Variants in PGAP2 observed in about 807,000 individuals in gnomAD.
The protein encoded by PGAP2 is acyltransferase PGAP2.
Under a neutral mutation model 33.2 loss-of-function variants are expected in PGAP2, and 21 were observed. That is an observed-to-expected ratio of 0.63 (90% confidence interval 0.45 to 0.91). The LOEUF is 0.91. PGAP2 is among the 40% of genes least tolerant of loss of function. The probability of loss-of-function intolerance (pLI) is 0.00; values close to 1 mark genes in which losing one functional copy is unlikely to be tolerated. For synonymous variants in PGAP2, 161 were observed against 172.9 expected, an observed-to-expected ratio of 0.93 and a Z score of 0.54; for missense variants, 345 against 424.0, an observed-to-expected ratio of 0.81 and a Z score of 1.64.
intron 3 of PGAP2, among the ~76,000 whole-genome samples, chr11:3,822,316 A>T (rs1490591290): frequency 6.6e-6 from 1 of 152,138 alleles, no homozygotes; most frequent in Non-Finnish European, 1.5e-5. Flanking sequence ...GTGAGCCAAG[A>T]TCGCGCCACT....
intron 1 of PGAP2, among the ~76,000 whole-genome samples, chr11:3,800,811 CAAAAAA>C (rs1162584142): frequency 1.5e-5 from 1 of 67,098 alleles, no homozygotes. Flanking sequence ...GACTCCGTCT[CAAAAAA>C]AAAAAAAAAA....
chr11:3,824,501 C>G (rs149055037), intron 5 of PGAP2, 125 bp downstream of exon 5: 2 of 1,446,024 alleles, frequency 1.4e-6, no homozygotes, highest in African/African-American at 1.4e-5. Context: ...CAGAGGGGTG[C>G]TGGGGTTGGG....
chr11:3,803,003 T>C lies in PGAP2; in HGVS notation c.139+5021T>C, dbSNP rs1407384825. ...CACCACACCCGGCTAATTTTTTTTT[T>C]TTCTTTTGGAGACAGAGTCTCACTC... On this transcript the variant is annotated intron_variant, in intron 1 of 6. Transcript: ENST00000300730. Among the ~76,000 whole-genome samples the C allele has an allele frequency of 3.4e-5, 5 of 148,120 alleles. 1 individual carries two copies. Among genetic ancestry groups the C allele is most frequent in the Non-Finnish European group, 6.0e-5 (4 of 66,594 alleles).
chr11:3,807,814 C>A (rs2084697051), upstream of PGAP2, among the ~76,000 whole-genome samples: 1 of 152,164 alleles, frequency 6.6e-6, no homozygotes. Flanking sequence ...GGTCCCTTCA[C>A]CCTCCTTCCC....
At chr11:3,815,703 C>G (rs934380612) in intron 2 of PGAP2, among the ~76,000 whole-genome samples, 1 of 152,216 alleles carries the variant, frequency 6.6e-6, no homozygotes, top group African/African-American at 2.4e-5. Context: ...CAGGCAAAAG[C>G]AGGACTATTC....
intron 3 of PGAP2, chr11:3,817,871 C>T (rs1351293237): frequency 2.0e-6 from 1 of 491,198 alleles, no homozygotes; most frequent in Non-Finnish European, 4.0e-6. Context: ...TGGTGAAACC[C>T]CGTCTGTACA....
intron 2 of PGAP2, among the ~76,000 whole-genome samples, chr11:3,816,499 C>G (rs1244973637): frequency 6.6e-6 from 1 of 152,158 alleles, no homozygotes; most frequent in Non-Finnish European, 1.5e-5. Context: ...GGGTCTGGGT[C>G]TGACCTGGAC....
chr11:3,816,841 T>C (rs1425061367), intron 2 of PGAP2, among the ~76,000 whole-genome samples: 1 of 152,164 alleles, frequency 6.6e-6, no homozygotes, highest in Non-Finnish European at 1.5e-5. Flanking sequence ...GCTTTGGCCA[T>C]TCTGAGCCAA....
intron 1 of PGAP2, among the ~76,000 whole-genome samples, chr11:3,810,948 C>G (rs1251842154): frequency 1.3e-5 from 2 of 152,184 alleles, no homozygotes; most frequent in African/African-American, 2.4e-5. Context: ...TTCTCTAGTC[C>G]TAGGCCTGTC....
intron 3 of PGAP2, chr11:3,822,881 G>A: frequency 5.6e-6 from 7 of 1,241,328 alleles, no homozygotes; most frequent in Non-Finnish European, 8.0e-6. Context: ...CCCTGCAGCT[G>A]TGTATTATCT....
chr11:3,811,318 C>G lies in PGAP2; in HGVS notation c.59C>G (p.Thr20Ser). ...GGGACCCTGGTACGGCTCCGCTTCA[C>G]CATGGTGGCCCTGGTCACGGTCTGC... ...RDGTLVRLRF[T>S]MVALVTVCCP... Residue 20 changes from threonine (T) to serine (S), a missense_variant, in exon 2 of 7, where the codon ACC (threonine) becomes AGC (serine). Transcript: ENST00000278243. This position sits in a 1 kb window ranked among gnomAD's most constrained non-coding sequence, Gnocchi z 4.6. The G allele has an allele frequency of 6.2e-7, 1 of 1,614,114 alleles. No homozygotes were observed. Among genetic ancestry groups the G allele is most frequent in the Non-Finnish European group, 8.5e-7 (1 of 1,179,980 alleles).
chr11:3,800,435 A>C (rs2083272749), intron 1 of PGAP2, among the ~76,000 whole-genome samples: 1 of 152,192 alleles, frequency 6.6e-6, no homozygotes, highest in Non-Finnish European at 1.5e-5. Flanking sequence ...GAGTCAGAGA[A>C]CCCTGGTTTA....
At position 3,825,085 on chromosome 11, in the gene PGAP2, G is replaced by A. The variant is rs2089783457; in HGVS notation, c.774G>A (p.Ala258=). 5.6e-6 allele frequency: 9 copies of A among 1,614,168 alleles called. No individual in the cohort carries two copies. Among genetic ancestry groups the A allele is most frequent in the South Asian group, 1.1e-5 (1 of 91,082 alleles). Residue 258 remains alanine (A), a synonymous_variant, in exon 6 of 7, where the codon GCG becomes GCA. Coordinates refer to ENST00000278243, the MANE Select transcript of PGAP2 (RefSeq NM_014489.4). ...TCAACTTCATCTCCTTCTTCTCGGCGCTGGCTGTCTACTTTCGGCACAACA... is the reference window on the plus strand; with the variant it reads ...TCAACTTCATCTCCTTCTTCTCGGCACTGGCTGTCTACTTTCGGCACAACA... ...FIINFISFFS[A]LAVYFRHNMY...
chr11:3,825,644 G>A lies in PGAP2; in HGVS notation c.*186G>A. On this transcript the variant is annotated 3_prime_UTR_variant, in exon 7 of 7. Transcript: ENST00000278243. ...GCTTCTCCTCTCCACCCCTCATATGGGCGTGGGGTCCTCAAACATCACCTT... is the reference window on the plus strand; with the variant it reads ...GCTTCTCCTCTCCACCCCTCATATGAGCGTGGGGTCCTCAAACATCACCTT... 2 of 548,758 alleles carry A rather than the reference G, an allele frequency of 3.6e-6. No individual in the cohort carries two copies. Among genetic ancestry groups the A allele is most frequent in the Non-Finnish European group, 6.4e-6 (2 of 314,874 alleles). 34.0% of individuals were successfully genotyped at this position (548,758 alleles called of 1,614,324 possible). A position where few individuals can be genotyped will look rare whatever the true frequency, so the allele number is the denominator to read the frequency against.
At chr11:3,808,493 C>T, upstream of PGAP2, 2 of 1,413,964 alleles carry the variant, frequency 1.4e-6, no homozygotes. Context: ...GGGGAGGAGC[C>T]AGCGGAGGAT....
chr11:3,801,506 G>C (rs982130543), intron 1 of PGAP2, among the ~76,000 whole-genome samples: 2 of 151,856 alleles, frequency 1.3e-5, no homozygotes, highest in Non-Finnish European at 2.9e-5. Context: ...GCCGGGCGCG[G>C]TGGCAGGCGC....
chr11:3,823,021 T>TTTA, intron 3 of PGAP2: 1 of 857,626 alleles, frequency 1.2e-6, no homozygotes, highest in Non-Finnish European at 1.7e-6. Flanking sequence ...TCTTTTTTCT[T>TTTA]TTCTTTTTTT....
At chr11:3,824,993 A>G (rs760983813) in intron 5 of PGAP2, 27 bp from the exon 6 acceptor site, 20 of 1,613,926 alleles carry the variant, frequency 1.2e-5, no homozygotes, top group East Asian at 2.2e-5. Flanking sequence ...AGCAAGCTGC[A>G]GAGTGATCAG....
chr11:3,825,672 C>G lies in PGAP2; in HGVS notation c.*214C>G. ...GTGGGGTCCTCAAACATCACCTTTA[C>G]CTGAGAGGCCCCAAGAAGCTGAGCT... On this transcript the variant is annotated 3_prime_UTR_variant, in exon 7 of 7. Transcript: ENST00000278243. The G allele has an allele frequency of 2.4e-6, 1 of 420,268 alleles. No individual in the cohort carries two copies. Among genetic ancestry groups the G allele is most frequent in the South Asian group, 3.8e-5 (1 of 26,586 alleles). The allele number at this position is 420,268 out of a possible 1,614,324, so 26.0% of individuals were successfully genotyped here. A position where few individuals can be genotyped will look rare whatever the true frequency, so the allele number is the denominator to read the frequency against.
Sources: gnomAD v4.1 joint callset for allele counts (sites outside exome capture counted in the v4.1 genomes callset) on GRCh38, gnomAD v4.1.1 for gene constraint, Gnocchi (gnomAD v3.1) non-coding constraint, MANE v1.5 for transcripts, NCBI Gene and HGNC (gene_info 2026-07-23, HGNC 2026-07-21) for gene names.